Variants in LDB2 observed in about 807,000 individuals in gnomAD.
LDB2 encodes the protein LIM domain binding 2, also known as LIM domain-binding protein 2.
In LDB2, 12 loss-of-function variants were observed where a neutral mutation model predicts 44.3. The ratio of observed to expected loss-of-function variants is 0.27; its 90% CI spans 0.17 to 0.44. The LOEUF (loss-of-function observed/expected upper bound fraction) is 0.44. Among genes scored for constraint, LDB2 ranks in the 20% least tolerant of loss-of-function variants. The probability of loss-of-function intolerance (pLI) is 1.00; values close to 1 mark genes in which losing one functional copy is unlikely to be tolerated. For synonymous variants in LDB2, 164 were observed against 174.8 expected (o/e 0.94, Z 0.49); for missense variants, 344 against 473.5 (o/e 0.73, Z 2.54).
chr4:16,731,835 G>A lies in LDB2; in HGVS notation c.235+27323C>T, dbSNP rs16893900. On this transcript the variant is annotated intron_variant, in intron 2 of 7. Transcript: ENST00000304523. ...GGTAACATTTGGTGAGAATTTTTTC[G>A]CTCATCTAGGTCTATGTGCTTCCCT... Among the ~76,000 whole-genome samples, 618 of 152,072 alleles carry A rather than the reference G, an allele frequency of 4.1e-3. 5 individuals carry two copies. The highest frequency in any genetic ancestry group is 0.013 in the African/African-American group (555 of 41,484).
chr4:16,843,749 G>A (rs972626078), intron 1 of LDB2, among the ~76,000 whole-genome samples: 3 of 151,942 alleles, frequency 2.0e-5, no homozygotes, highest in African/African-American at 7.3e-5. Flanking sequence ...AGCCTCCCAA[G>A]TAGCTGGGAT....
intron 1 of LDB2, among the ~76,000 whole-genome samples, chr4:16,835,109 C>T (rs530480504): frequency 1.3e-5 from 2 of 152,310 alleles, no homozygotes; most frequent in South Asian, 2.1e-4. Flanking sequence ...ACATATCTTA[C>T]ATTCAAGAAT....
rs1315288524 is a variant in LDB2 at position 16,659,671 on chromosome 4, G to GTGTGTGTATATATATATATATATA, written c.236-63797_236-63796insTATATATATATATATATACACACA. Among the ~76,000 whole-genome samples the GTGTGTGTATATATATATATATATA allele has an allele frequency of 5.2e-3, 691 of 133,292 alleles. 3 individuals carry two copies. The highest frequency in any genetic ancestry group is 8.3e-3 in the Non-Finnish European group (523 of 63,354). 87.4% of individuals were successfully genotyped at this position (133,292 alleles called of 152,430 possible). On this transcript the variant is annotated intron_variant, in intron 2 of 7. Transcript: ENST00000304523. ...CACACATATGAGTATATCTATGTGT[G>GTGTGTGTATATATATATATATATA]TATATATATATATATATATATGTAT... is the stretch of plus-strand genomic sequence containing the variant.
At chr4:16,789,116 A>C (rs957402287) in intron 1 of LDB2, among the ~76,000 whole-genome samples, 1 of 152,166 alleles carries the variant, frequency 6.6e-6, no homozygotes. Context: ...CAGCGGAAAG[A>C]GGTGGCCTGA....
chr4:16,753,409 A>C (rs1402849740), intron 2 of LDB2, among the ~76,000 whole-genome samples: 5 of 152,250 alleles, frequency 3.3e-5, no homozygotes, highest in Admixed American at 3.3e-4. Context: ...CACATATTAC[A>C]AGACAAAATT....
intron 1 of LDB2, among the ~76,000 whole-genome samples, chr4:16,883,465 G>C (rs1429794242): frequency 6.6e-6 from 1 of 152,248 alleles, no homozygotes; most frequent in Non-Finnish European, 1.5e-5. Flanking sequence ...ATATGGGCCT[G>C]CAATGGGGCA....
rs73799254 is a variant in LDB2 at position 16,719,292 on chromosome 4, T to C, written c.235+39866A>G. Among the ~76,000 whole-genome samples the C allele has an allele frequency of 1.6e-3, 250 of 152,184 alleles. 1 individual carries two copies. The highest frequency in any genetic ancestry group is 5.7e-3 in the African/African-American group (238 of 41,542). Reference sequence around the variant, plus strand: ...ATTTAGCAGAAAACATAACCAACTATAGAGAGATTTTTTTTGTTTTAAAGA... The same window carrying C: ...ATTTAGCAGAAAACATAACCAACTACAGAGAGATTTTTTTTGTTTTAAAGA... On this transcript the variant is annotated intron_variant, in intron 2 of 7. Coordinates refer to ENST00000304523, the MANE Select transcript of LDB2 (RefSeq NM_001290.5).
chr4:16,746,162 C>T (rs553481763), intron 2 of LDB2, among the ~76,000 whole-genome samples: 163 of 152,276 alleles, frequency 1.1e-3, no homozygotes, highest in African/African-American at 3.6e-3. Context: ...CACACAGTCC[C>T]CACCCTCAGT....
chr4:16,788,491 T>C (rs1421401800), intron 1 of LDB2, among the ~76,000 whole-genome samples: 2 of 152,226 alleles, frequency 1.3e-5, no homozygotes, highest in Admixed American at 6.5e-5. Context: ...CATTCAAGTG[T>C]CTGAGCGAAA....
At chr4:16,551,285 T>C (rs943616620) in intron 5 of LDB2, among the ~76,000 whole-genome samples, 2 of 152,206 alleles carry the variant, frequency 1.3e-5, no homozygotes, top group Admixed American at 1.3e-4. Context: ...GATACATTAT[T>C]GTTCATTCTA....
intron 1 of LDB2, among the ~76,000 whole-genome samples, chr4:16,880,958 A>G (rs1719919229): frequency 6.6e-6 from 1 of 151,764 alleles, no homozygotes. Flanking sequence ...GAGGTTCCCA[A>G]CCTCAAGAAA....
At chr4:16,655,637 C>T (rs1050288728) in intron 2 of LDB2, among the ~76,000 whole-genome samples, 4 of 152,134 alleles carry the variant, frequency 2.6e-5, no homozygotes, top group Non-Finnish European at 5.9e-5. Flanking sequence ...CAACAGTCAT[C>T]AAACAGCCCC....
At chr4:16,816,903 A>C (rs183529462) in intron 1 of LDB2, among the ~76,000 whole-genome samples, 1 of 152,206 alleles carries the variant, frequency 6.6e-6, no homozygotes, top group Non-Finnish European at 1.5e-5. Flanking sequence ...TTTGTGGTGC[A>C]TACCACCTTA....
intron 5 of LDB2, among the ~76,000 whole-genome samples, chr4:16,535,023 C>T (rs1462548913): frequency 1.3e-5 from 2 of 152,194 alleles, no homozygotes; most frequent in African/African-American, 4.8e-5. Flanking sequence ...AAGTGATACA[C>T]AGCTGTCATT....
At chr4:16,871,539 T>G (rs1402471375) in intron 1 of LDB2, among the ~76,000 whole-genome samples, 2 of 152,176 alleles carry the variant, frequency 1.3e-5, no homozygotes, top group Non-Finnish European at 2.9e-5. Flanking sequence ...AGTTCAAATA[T>G]TCATCTCTGT....
intron 1 of LDB2, among the ~76,000 whole-genome samples, chr4:16,862,359 C>T (rs1180948143): frequency 1.3e-5 from 2 of 151,972 alleles, no homozygotes; most frequent in East Asian, 1.9e-4. Context: ...CCTGGCCGGG[C>T]GTGCTGGCTT....
At chr4:16,515,496 C>T (rs1248339734) in intron 5 of LDB2, among the ~76,000 whole-genome samples, 1 of 152,150 alleles carries the variant, frequency 6.6e-6, no homozygotes, top group Non-Finnish European at 1.5e-5. Context: ...ATTGCCTTTC[C>T]AAGCCATCAG....
At chr4:16,652,157 G>T (rs937297885) in intron 2 of LDB2, among the ~76,000 whole-genome samples, 4 of 152,042 alleles carry the variant, frequency 2.6e-5, no homozygotes, top group Non-Finnish European at 5.9e-5. Context: ...ATGTTGCCCA[G>T]GCTGGTCTTG....
chr4:16,552,005 A>G (rs1274200878), intron 5 of LDB2, among the ~76,000 whole-genome samples: 1 of 151,868 alleles, frequency 6.6e-6, no homozygotes, highest in East Asian at 1.9e-4. Flanking sequence ...TCTTCCAACT[A>G]TCCAACAAAT....
Sources: allele counts gnomAD v4.1 joint callset (sites outside exome capture counted in the v4.1 genomes callset), GRCh38; gene constraint gnomAD v4.1.1; transcripts MANE v1.5; gene names NCBI Gene and HGNC (gene_info 2026-07-23, HGNC 2026-07-21).